Variants in PDGFC observed in about 807,000 individuals in gnomAD.
The protein encoded by PDGFC is platelet-derived growth factor C.
In PDGFC, 12 loss-of-function variants were observed where a neutral mutation model predicts 35.5. That is an observed-to-expected ratio of 0.34 (90% CI 0.22 to 0.55). The LOEUF (loss-of-function observed/expected upper bound fraction) is 0.55. PDGFC is among the 20% of genes least tolerant of loss of function. The pLI, the probability that PDGFC is intolerant of heterozygous loss-of-function variation, is 0.91. For synonymous variants in PDGFC, 159 were observed against 148.8 expected (o/e 1.07, Z -0.50); for missense variants, 322 against 412.4 (o/e 0.78, Z 1.90).
intron 1 of PDGFC, among the ~76,000 whole-genome samples, chr4:156,944,102 C>T (rs995022618): frequency 1.3e-5 from 2 of 152,130 alleles, no homozygotes; most frequent in Non-Finnish European, 2.9e-5. Flanking sequence ...GGCACTGTAA[C>T]GATTAAAGGC....
Position 156,786,412 on chromosome 4 carries a change from T to A in PDGFC, c.496-13519A>T, listed in dbSNP as rs751126714. ...GCAAGGCCTCTGTGAGAAGCTGACG[T>A]GCAAGCAAAACCTTAAGGAGTTGAC... On this transcript the variant is annotated intron_variant, in intron 3 of 5. Coordinates refer to ENST00000502773, the MANE Select transcript of PDGFC (RefSeq NM_016205.3). 2.6e-5 allele frequency among the ~76,000 whole-genome samples: 4 copies of A among 152,174 alleles called. 1 individual carries two copies. The highest frequency in any genetic ancestry group is 9.7e-5 in the African/African-American group (4 of 41,432).
chr4:156,969,311 C>A (rs563503942), intron 1 of PDGFC, among the ~76,000 whole-genome samples: 1 of 152,194 alleles, frequency 6.6e-6, no homozygotes, highest in African/African-American at 2.4e-5. Context: ...TGATCACTTT[C>A]CCCCAGACCT....
At chr4:156,937,508 T>C (rs2110896619) in intron 1 of PDGFC, among the ~76,000 whole-genome samples, 1 of 152,144 alleles carries the variant, frequency 6.6e-6, no homozygotes, top group East Asian at 1.9e-4. Flanking sequence ...AAGACCAGCC[T>C]GGGCAAAATA....
rs1009087755 is a variant in PDGFC, at chr4:156,806,218, G to C, written c.495+4619C>G. On this transcript the variant is annotated intron_variant, in intron 3 of 5. Transcript: ENST00000502773. Reference sequence around the variant, plus strand: ...AAAGGAAGATGAAGTTCACTGAAGTGTTGTGAGTTAAAGTACTCTTCAGTT... The same window carrying C: ...AAAGGAAGATGAAGTTCACTGAAGTCTTGTGAGTTAAAGTACTCTTCAGTT... 2.0e-5 allele frequency among the ~76,000 whole-genome samples: 3 copies of C among 152,126 alleles called. No individual in the cohort carries two copies. The East Asian group carries it at 5.8e-4, about 29-fold the overall frequency.
intron 3 of PDGFC, among the ~76,000 whole-genome samples, chr4:156,775,044 C>A (rs1444905240): frequency 6.6e-6 from 1 of 152,030 alleles, no homozygotes; most frequent in Non-Finnish European, 1.5e-5. Flanking sequence ...TTGCTCTACC[C>A]ATTAGTCTGT....
intron 1 of PDGFC, among the ~76,000 whole-genome samples, chr4:156,861,979 C>A (rs1729723173): frequency 6.6e-6 from 1 of 152,074 alleles, no homozygotes; most frequent in African/African-American, 2.4e-5. Context: ...CTCTTGCTTG[C>A]CAAGGTTTTG....
chr4:156,861,570 C>A, intron 1 of PDGFC: 1 of 459,870 alleles, frequency 2.2e-6, no homozygotes, highest in Non-Finnish European at 3.8e-6. Flanking sequence ...TCTTCAATTT[C>A]AGATTTTGGA....
chr4:156,816,368 T>C (rs1732087017), intron 2 of PDGFC, among the ~76,000 whole-genome samples: 1 of 152,228 alleles, frequency 6.6e-6, no homozygotes, highest in African/African-American at 2.4e-5. Flanking sequence ...TATTGGCTTA[T>C]GCTTTAGTTT....
At chr4:156,868,246 G>A (rs1459190812) in intron 1 of PDGFC, among the ~76,000 whole-genome samples, 1 of 152,168 alleles carries the variant, frequency 6.6e-6, no homozygotes, top group African/African-American at 2.4e-5. Context: ...AATCATACCT[G>A]TCACCAAAAA....
At chr4:156,796,798 T>A (rs377435603) in intron 3 of PDGFC, among the ~76,000 whole-genome samples, 1 of 152,118 alleles carries the variant, frequency 6.6e-6, no homozygotes, top group South Asian at 2.1e-4. Flanking sequence ...ATGCATACTA[T>A]CATTATTACT....
intron 1 of PDGFC, among the ~76,000 whole-genome samples, chr4:156,865,525 A>T (rs1729818985): frequency 6.6e-6 from 1 of 152,222 alleles, no homozygotes; most frequent in South Asian, 2.1e-4. Context: ...AAAAGCTGTT[A>T]ACAATTTGGG....
Position 156,906,108 on chromosome 4 carries a change from C to T in PDGFC, c.119-55692G>A, listed in dbSNP as rs116424748. ...TGACATATAACACACATTTTACATA[C>T]TAGCACTTCTGAAGTTATCAGAAAT... is the stretch of plus-strand genomic sequence containing the variant. On this transcript the variant is annotated intron_variant, in intron 1 of 5. Coordinates refer to ENST00000502773, the MANE Select transcript of PDGFC (RefSeq NM_016205.3). Among the ~76,000 whole-genome samples, 903 of 152,192 alleles carry T rather than the reference C, an allele frequency of 5.9e-3. 5 individuals are homozygous for T. The highest frequency in any genetic ancestry group is 7.5e-3 in the Non-Finnish European group (508 of 67,984).
intron 1 of PDGFC, among the ~76,000 whole-genome samples, chr4:156,862,522 T>G (rs1729737087): frequency 6.6e-6 from 1 of 152,140 alleles, no homozygotes; most frequent in Non-Finnish European, 1.5e-5. Flanking sequence ...AAAGGCAAAG[T>G]CAAAGTTTTA....
intron 1 of PDGFC, among the ~76,000 whole-genome samples, chr4:156,870,372 A>T (rs767093996): frequency 3.1e-4 from 47 of 152,148 alleles, no homozygotes; most frequent in Admixed American, 7.9e-4. Context: ...CAAAACAGAC[A>T]ATATTTCATA....
At chr4:156,960,236 GAT>G (rs964217123) in intron 1 of PDGFC, among the ~76,000 whole-genome samples, 4 of 137,692 alleles carry the variant, frequency 2.9e-5, no homozygotes, top group African/African-American at 1.2e-4. Flanking sequence ...GAAGCCATTT[GAT>G]ATATATATAA....
At chr4:156,845,530 G>A (rs1322502521) in intron 2 of PDGFC, among the ~76,000 whole-genome samples, 1 of 151,486 alleles carries the variant, frequency 6.6e-6, no homozygotes, top group Non-Finnish European at 1.5e-5. Context: ...TATTGCCTTT[G>A]AACTATTTTA....
chr4:156,867,777 T>A (rs1729880732), intron 1 of PDGFC, among the ~76,000 whole-genome samples: 1 of 152,300 alleles, frequency 6.6e-6, no homozygotes. Flanking sequence ...ACTGAAAATA[T>A]GAAACCCCAA....
chr4:156,948,365 G>A (rs1427730829), intron 1 of PDGFC, among the ~76,000 whole-genome samples: 1 of 151,844 alleles, frequency 6.6e-6, no homozygotes, highest in African/African-American at 2.4e-5. Flanking sequence ...TGTTGTGATG[G>A]CTCTCCTGCA....
At chr4:156,902,464 GT>G (rs1400051858) in intron 1 of PDGFC, among the ~76,000 whole-genome samples, 1 of 152,018 alleles carries the variant, frequency 6.6e-6, no homozygotes, top group Non-Finnish European at 1.5e-5. Context: ...TGTATTGCAT[GT>G]TTTTATGTTA....
Sources: gnomAD v4.1 joint callset for allele counts (sites outside exome capture counted in the v4.1 genomes callset) on GRCh38, gnomAD v4.1.1 for gene constraint, MANE v1.5 for transcripts, NCBI Gene and HGNC (gene_info 2026-07-23, HGNC 2026-07-21) for gene names.